The following MBNL2 variants were observed in gnomAD, a reference collection of about 807,000 sequenced individuals.
The protein encoded by MBNL2 is muscleblind like splicing regulator 2.
Under a neutral mutation model 41.9 loss-of-function variants are expected in MBNL2, and 17 were observed. The ratio of observed to expected loss-of-function variants is 0.41; its 90% confidence interval spans 0.28 to 0.61. The LOEUF is 0.61. Among genes scored for constraint, MBNL2 ranks in the 20% least tolerant of loss-of-function variants. MBNL2 has a pLI of 0.35. For synonymous variants in MBNL2, 195 were observed against 182.9 expected, an observed-to-expected ratio of 1.07 and a Z score of -0.53; for missense variants, 336 against 505.6, an observed-to-expected ratio of 0.66 and a Z score of 3.22.
At chr13:97,203,036 G>GGGGA in the MBNL2 span, among the ~76,000 whole-genome samples, 1 of 152,110 alleles carries the variant, frequency 6.6e-6, no homozygotes, top group African/African-American at 2.4e-5. Context: ...TTCTTCCTTT[G>GGGGA]GGGAGGAGTG....
At chr13:97,228,831 A>G (rs1027159314) in intron 1 of MBNL2, among the ~76,000 whole-genome samples, 2 of 152,006 alleles carry the variant, frequency 1.3e-5, no homozygotes, top group Non-Finnish European at 1.5e-5. Flanking sequence ...TTCCTGGCCT[A>G]TTATCTCTTT....
intron 1 of MBNL2, among the ~76,000 whole-genome samples, chr13:97,256,531 G>A (rs142017400): frequency 6.6e-6 from 1 of 152,106 alleles, no homozygotes; most frequent in Non-Finnish European, 1.5e-5. Flanking sequence ...GAAGCAGACA[G>A]GAATATCTCC....
intron 2 of MBNL2, among the ~76,000 whole-genome samples, chr13:97,323,833 G>A (rs539231308): frequency 1.3e-5 from 2 of 152,250 alleles, no homozygotes; most frequent in East Asian, 1.9e-4. Flanking sequence ...GGGTGCATGA[G>A]ATGTGTTGAT....
At chr13:97,278,920 G>GGGT (rs1177246655) in intron 2 of MBNL2, among the ~76,000 whole-genome samples, 1 of 152,138 alleles carries the variant, frequency 6.6e-6, no homozygotes, top group Non-Finnish European at 1.5e-5. Flanking sequence ...TCCCAGCCTT[G>GGGT]GGTGTGTCAT....
chr13:97,294,884 C>T (rs1468887310), intron 2 of MBNL2, among the ~76,000 whole-genome samples: 1 of 152,178 alleles, frequency 6.6e-6, no homozygotes, highest in African/African-American at 2.4e-5. Flanking sequence ...GCTTTTTATT[C>T]TTGTGACAAT....
the MBNL2 span, among the ~76,000 whole-genome samples, chr13:97,190,410 TTTTTG>T: frequency 1.3e-5 from 2 of 152,240 alleles, no homozygotes; most frequent in African/African-American, 4.8e-5. Context: ...AATGTTTTTG[TTTTTG>T]TTTTAACACG....
chr13:97,166,837 T>TAGATAGATAGATAGAAAGAAAGAA, the MBNL2 span, among the ~76,000 whole-genome samples: 1,380 of 143,350 alleles, frequency 9.6e-3, 14 homozygotes, highest in East Asian at 0.016. Context: ...GATAGATAGA[T>TAGATAGATAGATAGAAAGAAAGAA]AGAAAGATAG....
chr13:97,232,788 C>G (rs1411427267), intron 1 of MBNL2, among the ~76,000 whole-genome samples: 1 of 151,256 alleles, frequency 6.6e-6, no homozygotes, highest in Non-Finnish European at 1.5e-5. Flanking sequence ...CCAAGGATAG[C>G]TAGGGCATCA....
intron 5 of MBNL2, among the ~76,000 whole-genome samples, chr13:97,356,322 T>G (rs139574635): frequency 1.7e-4 from 26 of 152,328 alleles, no homozygotes; most frequent in African/African-American, 6.0e-4. Flanking sequence ...TATGAAAAAT[T>G]TCAACTTGGG....
chr13:97,233,099 T>C (rs1184001107), intron 1 of MBNL2, among the ~76,000 whole-genome samples: 1 of 135,770 alleles, frequency 7.4e-6, no homozygotes, highest in Admixed American at 7.5e-5. Context: ...GCCGTTTTCT[T>C]TGATGCTCTC....
At chr13:97,237,183 C>G (rs1356952272) in intron 1 of MBNL2, among the ~76,000 whole-genome samples, 3 of 152,210 alleles carry the variant, frequency 2.0e-5, no homozygotes, top group Admixed American at 2.0e-4. Context: ...TTCATTGGAC[C>G]TCTGGTTTCT....
rs570732523 is a variant in MBNL2 at position 97,376,653 on chromosome 13, C to G, written c.1048+11482C>G. ...GCTTGCTGCAATGCATTTCTGGAAG[C>G]AGCATCTTTAAGGCGATCATTGTAG... On this transcript the variant is annotated intron_variant, in intron 8 of 8. Transcript: ENST00000679496. Among the ~76,000 whole-genome samples the G allele has an allele frequency of 3.3e-5, 5 of 152,278 alleles. No homozygotes were observed. The East Asian group carries it at 7.7e-4, about 24-fold the overall frequency.
chr13:97,294,743 C>A (rs1277620393), intron 2 of MBNL2, among the ~76,000 whole-genome samples: 1 of 152,030 alleles, frequency 6.6e-6, no homozygotes, highest in Non-Finnish European at 1.5e-5. Flanking sequence ...AGTAACTATC[C>A]CTGAAGGTCT....
upstream of MBNL2, among the ~76,000 whole-genome samples, chr13:97,222,059 A>G (rs1323971282): frequency 6.6e-6 from 1 of 152,080 alleles, no homozygotes; most frequent in East Asian, 1.9e-4. Flanking sequence ...GGCTGTCTTC[A>G]AGGGTGTTTT....
chr13:97,231,810 T>TA (rs1205789407), intron 1 of MBNL2, among the ~76,000 whole-genome samples: 4 of 152,164 alleles, frequency 2.6e-5, no homozygotes, highest in South Asian at 2.1e-4. Context: ...TGTTTTTTTT[T>TA]TTATTATCCT....
the MBNL2 span, among the ~76,000 whole-genome samples, chr13:97,196,125 C>G: frequency 0.04 from 6,055 of 152,276 alleles, 392 homozygotes; most frequent in African/African-American, 0.14. Flanking sequence ...GGTTGAAGCT[C>G]TGCCCCTCTG....
At chr13:97,223,668 T>G (rs1400426961) in intron 1 of MBNL2, among the ~76,000 whole-genome samples, 1 of 152,232 alleles carries the variant, frequency 6.6e-6, no homozygotes, top group African/African-American at 2.4e-5. Context: ...GTGTGTGTTT[T>G]GGGGACAATA....
At chr13:97,343,950 G>A (rs879705211) in intron 4 of MBNL2, among the ~76,000 whole-genome samples, 5 of 152,118 alleles carry the variant, frequency 3.3e-5, no homozygotes, top group Non-Finnish European at 7.4e-5. Context: ...GGGATTATAG[G>A]CATGCGCCAC....
intron 1 of MBNL2, among the ~76,000 whole-genome samples, chr13:97,253,500 A>G (rs1478753327): frequency 1.3e-5 from 2 of 152,218 alleles, no homozygotes; most frequent in Non-Finnish European, 1.5e-5. Flanking sequence ...CCTTTGAGAT[A>G]GACACACCTG....
Sources: allele counts gnomAD v4.1 joint callset (sites outside exome capture counted in the v4.1 genomes callset), GRCh38; gene constraint gnomAD v4.1.1; transcripts MANE v1.5; gene names NCBI Gene and HGNC (gene_info 2026-07-23, HGNC 2026-07-21).